The following KRR1 variants were observed in gnomAD, a reference collection of about 807,000 sequenced individuals.
KRR1 encodes the protein KRR1 small subunit processome component.
Under a neutral mutation model 50.0 loss-of-function variants are expected in KRR1, and 23 were observed. The ratio of observed to expected loss-of-function variants is 0.46; its 90% CI spans 0.33 to 0.65. The LOEUF (loss-of-function observed/expected upper bound fraction) is 0.65, where lower values mean the gene tolerates loss of function less well. Ranked by LOEUF, KRR1 falls within the 30% of genes least tolerant of loss-of-function variation. The pLI is 0.02. For synonymous variants in KRR1, 133 were observed against 146.3 expected (o/e 0.91, Z 0.66); for missense variants, 419 against 442.4 (o/e 0.95, Z 0.47).
chr12:75,506,406 C>G lies in KRR1; in HGVS notation c.520-7G>C. On this transcript the variant is annotated splice_region_variant and splice_polypyrimidine_tract_variant and intron_variant, in intron 4 of 9. Transcript: ENST00000229214. ...TAGTTAAGAGTTCCAATGCCTGTATCAAGAGATCAAGTTAAAATTCATTAC... is the reference window on the plus strand; with the variant it reads ...TAGTTAAGAGTTCCAATGCCTGTATGAAGAGATCAAGTTAAAATTCATTAC... 1 of 1,605,944 alleles carries G rather than the reference C, an allele frequency of 6.2e-7. No homozygotes were observed. The highest frequency in any genetic ancestry group is 8.5e-7 in the Non-Finnish European group (1 of 1,178,090).
At chr12:75,509,426 C>T (rs12828263) in intron 1 of KRR1, among the ~76,000 whole-genome samples, 14,902 of 152,130 alleles carry the variant, frequency 0.098, 954 homozygotes, top group Non-Finnish European at 0.14. Context: ...CCTATGTTAG[C>T]AGCCTCAGAC....
At chr12:75,508,139 G>T in intron 2 of KRR1, 135 bp downstream of exon 2, 1 of 465,574 alleles carries the variant, frequency 2.1e-6, no homozygotes, top group Admixed American at 4.5e-5. Flanking sequence ...AAATAGTTTA[G>T]AATACCAAAG....
chr12:75,504,342 C>T lies in KRR1; in HGVS notation c.661-268G>A, dbSNP rs545701902. The T allele has an allele frequency of 2.7e-5, 6 of 225,386 alleles. No individual in the cohort carries two copies. In the South Asian group the frequency reaches 8.3e-4, roughly 31 times the overall value. 14.0% of individuals were successfully genotyped at this position (225,386 alleles called of 1,614,324 possible). On this transcript the variant is annotated intron_variant, in intron 6 of 9. Transcript: ENST00000229214. ...ATTTTCAACCATTATTTCATTAAAACATTTAAAATGCCACTTATAAAAGCA... is the reference window on the plus strand; with the variant it reads ...ATTTTCAACCATTATTTCATTAAAATATTTAAAATGCCACTTATAAAAGCA...
intron 5 of KRR1, 152 bp from the exon 6 acceptor site, chr12:75,505,406 T>G: frequency 1.4e-6 from 1 of 710,572 alleles, no homozygotes. Flanking sequence ...GAGTGGCTTC[T>G]CCATCTTTCA....
intron 6 of KRR1, among the ~76,000 whole-genome samples, chr12:75,504,470 G>GA (rs1437070480): frequency 6.6e-6 from 1 of 152,058 alleles, no homozygotes; most frequent in Admixed American, 6.6e-5. Context: ...CACGATTACA[G>GA]AAAACCAGTA....
intron 7 of KRR1, chr12:75,503,037 A>G (rs1470739909): frequency 6.6e-6 from 1 of 152,080 alleles, no homozygotes; most frequent in Non-Finnish European, 1.5e-5. Context: ...GAGCAGAAGT[A>G]GAAAGGGAAG....
Position 75,495,849 on chromosome 12 carries a change from C to A in KRR1, c.*3960G>T. ...AAGAGAAATTTAAATGTGAAAATCACGTTCTTTTTATTTAGTTCTAATTGG... is the reference window on the plus strand; with the variant it reads ...AAGAGAAATTTAAATGTGAAAATCAAGTTCTTTTTATTTAGTTCTAATTGG... On this transcript the variant is annotated 3_prime_UTR_variant, in exon 10 of 10. Coordinates refer to ENST00000229214, the MANE Select transcript of KRR1 (RefSeq NM_007043.7). The A allele has an allele frequency of 2.4e-6, 1 of 410,410 alleles. No homozygotes were observed. Among genetic ancestry groups the A allele is most frequent in the Middle Eastern group, 6.7e-4 (1 of 1,488 alleles). The allele number at this position is 410,410 out of a possible 1,614,324, so 25.4% of individuals were successfully genotyped here.
At chr12:75,507,053 G>T in intron 2 of KRR1, 137 bp from the exon 3 acceptor site, 1 of 650,114 alleles carries the variant, frequency 1.5e-6, no homozygotes, top group Non-Finnish European at 2.5e-6. Context: ...AAGCTAGGTA[G>T]TTAAGTATAA....
intron 1 of KRR1, among the ~76,000 whole-genome samples, chr12:75,509,964 C>A (rs189609820): frequency 2.0e-4 from 31 of 151,862 alleles, no homozygotes; most frequent in Admixed American, 1.8e-3. Flanking sequence ...TTTTTAAAAT[C>A]CCCACTACAA....
intron 7 of KRR1, chr12:75,503,009 G>A (rs1008233053): frequency 6.6e-6 from 1 of 152,008 alleles, no homozygotes; most frequent in African/African-American, 2.4e-5. Context: ...GATGTAGAAA[G>A]CAATGAGTTC....
At position 75,495,574 on chromosome 12, in the gene KRR1, C is replaced by T; in HGVS notation, c.*4235G>A. On this transcript the variant is annotated 3_prime_UTR_variant, in exon 10 of 10. Coordinates refer to ENST00000229214, the MANE Select transcript of KRR1 (RefSeq NM_007043.7). ...TAATGGACATCCTTCTTCTGCTTTA[C>T]AGAGGGAATTACCCAACTTGGCCAT... 1 of 1,570,360 alleles carries T rather than the reference C, an allele frequency of 6.4e-7. No homozygotes were observed. Among genetic ancestry groups the T allele is most frequent in the South Asian group, 1.1e-5 (1 of 90,154 alleles).
intron 9 of KRR1, chr12:75,500,176 A>G (rs759218744): frequency 3.0e-6 from 1 of 327,942 alleles, no homozygotes; most frequent in Non-Finnish European, 5.4e-6. Flanking sequence ...TACTTTATAT[A>G]TTAGTACAAG....
Position 75,498,665 on chromosome 12 carries a change from T to A in KRR1, c.*1144A>T. The stretch of plus-strand genomic sequence containing the variant: ...CTCAACTGTGTCTACCCTTTTAATT[T>A]TTTTTCTTTCTTCCCCCTAACTTTA... On this transcript the variant is annotated 3_prime_UTR_variant, in exon 10 of 10. Transcript: ENST00000229214. The A allele has an allele frequency of 1.9e-6, 3 of 1,595,924 alleles. No individual in the cohort carries two copies. Among genetic ancestry groups the A allele is most frequent in the East Asian group, 2.2e-5 (1 of 44,750 alleles).
Position 75,497,764 on chromosome 12 carries a change from C to G in KRR1, c.*2045G>C, listed in dbSNP as rs565541685. On this transcript the variant is annotated 3_prime_UTR_variant, in exon 10 of 10. Transcript: ENST00000229214. ...GATACTGCTGGTAGTTCAATAAATA[C>G]CCTTGGAGGCCAAATCAGGACTGTT... 6.6e-6 allele frequency: 1 copy of G among 152,184 alleles called. No homozygotes were observed. Among genetic ancestry groups the G allele is most frequent in the East Asian group, 1.9e-4 (1 of 5,178 alleles). The allele number at this position is 152,184 out of a possible 1,614,324, so 9.4% of individuals were successfully genotyped here.
intron 7 of KRR1, chr12:75,502,783 G>A (rs1726680021): frequency 6.6e-6 from 1 of 151,972 alleles, no homozygotes; most frequent in African/African-American, 2.4e-5. Context: ...AGCTACAGAA[G>A]AAAGATAAGT....
At chr12:75,509,720 G>T (rs1399551984) in intron 1 of KRR1, among the ~76,000 whole-genome samples, 1 of 150,398 alleles carries the variant, frequency 6.6e-6, no homozygotes, top group African/African-American at 2.4e-5. Flanking sequence ...AGCCTCACAA[G>T]TAGCTGGTAC....
In KRR1 at chr12:75,498,654, C is replaced by A; in HGVS notation, c.*1155G>T. 1 of 1,550,332 alleles carries A rather than the reference C, an allele frequency of 6.5e-7. No homozygotes were observed. Among genetic ancestry groups the A allele is most frequent in the Non-Finnish European group, 8.9e-7 (1 of 1,122,574 alleles). ...AAAATAAAACTCTCAACTGTGTCTA[C>A]CCTTTTAATTTTTTTTCTTTCTTCC... On this transcript the variant is annotated 3_prime_UTR_variant, in exon 10 of 10. Transcript: ENST00000229214.
chr12:75,498,601 TG>T lies in KRR1; in HGVS notation c.*1207del. On this transcript the variant is annotated 3_prime_UTR_variant, in exon 10 of 10. Transcript: ENST00000229214. ...CTGCAATAAAGCCAAAGCAAGTTAA[TG>T]GTCATAATTATAAGACTTAGCTTTT... 1 of 978,734 alleles carries T rather than the reference TG, an allele frequency of 1.0e-6. No individual in the cohort carries two copies. Among genetic ancestry groups the T allele is most frequent in the Non-Finnish European group, 1.6e-6 (1 of 626,182 alleles). 60.6% of individuals were successfully genotyped at this position (978,734 alleles called of 1,614,324 possible). A position where few individuals can be genotyped will look rare whatever the true frequency, so the allele number is the denominator to read the frequency against.
In KRR1 at chr12:75,495,734, G is replaced by A. The variant is rs1039303479; in HGVS notation, c.*4075C>T. ...TGTAACTTTCTACAGAATTAACAATGAAACCATGTTTTATCTTAACGGCTA... is the reference window on the plus strand; with the variant it reads ...TGTAACTTTCTACAGAATTAACAATAAAACCATGTTTTATCTTAACGGCTA... On this transcript the variant is annotated 3_prime_UTR_variant, in exon 10 of 10. Transcript: ENST00000229214. 4.4e-6 allele frequency: 4 copies of A among 906,896 alleles called. No individual in the cohort carries two copies. The African/African-American group carries it at 4.9e-5, about 11-fold the overall frequency. 56.2% of individuals were successfully genotyped at this position (906,896 alleles called of 1,614,324 possible). A position where few individuals can be genotyped will look rare whatever the true frequency, so the allele number is the denominator to read the frequency against.
Sources: allele counts gnomAD v4.1 joint callset (sites outside exome capture counted in the v4.1 genomes callset), GRCh38; gene constraint gnomAD v4.1.1; transcripts MANE v1.5; gene names NCBI Gene and HGNC (gene_info 2026-07-23, HGNC 2026-07-21).